Variants in FREM3 observed in about 807,000 individuals in gnomAD.
FREM3 encodes FRAS1 related extracellular matrix 3.
Under a neutral mutation model 129.1 loss-of-function variants are expected in FREM3, and 105 were observed. The observed-to-expected ratio is 0.81, with a 90% confidence interval of 0.69 to 0.96. The LOEUF (loss-of-function observed/expected upper bound fraction) is 0.96, where lower values mean the gene tolerates loss of function less well. Ranked by LOEUF, FREM3 falls within the 40% of genes least tolerant of loss-of-function variation. The pLI, the probability that FREM3 is intolerant of heterozygous loss-of-function variation, is 0.00. For synonymous variants in FREM3, 1,014 were observed against 1,044.9 expected, an observed-to-expected ratio of 0.97 and a Z score of 0.57; for missense variants, 2,593 against 2,666.3, an observed-to-expected ratio of 0.97 and a Z score of 0.61.
At chr4:143,681,767 G>T (rs1740255073) in intron 2 of FREM3, among the ~76,000 whole-genome samples, 1 of 152,150 alleles carries the variant, frequency 6.6e-6, no homozygotes, top group Admixed American at 6.5e-5. Context: ...TTGGGAAATT[G>T]ATATATGTTA....
At chr4:143,632,244 G>A (rs960245939) in intron 2 of FREM3, among the ~76,000 whole-genome samples, 20 of 152,042 alleles carry the variant, frequency 1.3e-4, no homozygotes, top group African/African-American at 4.8e-4. Flanking sequence ...CTTTCCAGTG[G>A]GCCAATAAGC....
rs1738225486 is a variant in FREM3, at chr4:143,585,541, T to A, written c.6178+303A>T. ...CTTGGCCATTATGGGGGTAATTTCA[T>A]CTGAAATATTGTTTATGAGCAGCTT... On this transcript the variant is annotated intron_variant, in intron 7 of 7. Transcript: ENST00000329798. This position sits in a 1 kb window ranked among gnomAD's most constrained non-coding sequence, Gnocchi z 4.2. Among the ~76,000 whole-genome samples the A allele has an allele frequency of 6.6e-6, 1 of 152,218 alleles. No individual in the cohort carries two copies. Among genetic ancestry groups the A allele is most frequent in the South Asian group, 2.1e-4 (1 of 4,830 alleles).
chr4:143,611,655 T>G (rs1738757244), intron 5 of FREM3, 128 bp from the exon 6 acceptor site: 2 of 786,940 alleles, frequency 2.5e-6, no homozygotes, highest in Non-Finnish European at 4.0e-6. Context: ...TTACCTCTTA[T>G]GCTCACAAAT....
At position 143,627,701 on chromosome 4, in the gene FREM3, T is replaced by C. The variant is rs1441833229; in HGVS notation, c.5335A>G (p.Lys1779Glu). 2.6e-6 allele frequency: 4 copies of C among 1,534,562 alleles called. No homozygotes were observed. Among genetic ancestry groups the C allele is most frequent in the Middle Eastern group, 1.7e-4 (1 of 5,980 alleles). The change falls in exon 3 of 8, where the codon AAA becomes GAA. Residue 1779 changes from lysine (K) to glutamate (E), a missense_variant. Transcript: ENST00000329798. ...TCTTCATCCACAATGTAGTACTCTT[T>C]CTCCAAACAAATCCAAGCCCAGTTT... is the stretch of plus-strand genomic sequence containing the variant. ...HLNWAWICLE[K>E]EYYIVDEDST...
chr4:143,587,314 A>G (rs975220196), intron 6 of FREM3, among the ~76,000 whole-genome samples: 1 of 152,006 alleles, frequency 6.6e-6, no homozygotes, highest in Non-Finnish European at 1.5e-5. Context: ...ATCATTCTTC[A>G]CTCTGTGCTT....
chr4:143,667,172 A>C (rs1449451094), intron 2 of FREM3, among the ~76,000 whole-genome samples: 1 of 152,100 alleles, frequency 6.6e-6, no homozygotes, highest in African/African-American at 2.4e-5. Flanking sequence ...ATTTTATTGG[A>C]GGAATACTGT....
intron 2 of FREM3, among the ~76,000 whole-genome samples, chr4:143,690,761 A>G (rs1162350079): frequency 6.6e-6 from 1 of 152,212 alleles, no homozygotes; most frequent in Non-Finnish European, 1.5e-5. Flanking sequence ...AGATAAAAAA[A>G]TGTTTAAAGT....
At chr4:143,673,406 G>A (rs1414184064) in intron 2 of FREM3, among the ~76,000 whole-genome samples, 1 of 152,198 alleles carries the variant, frequency 6.6e-6, no homozygotes, top group Non-Finnish European at 1.5e-5. Flanking sequence ...GCAGAGCAGC[G>A]AATATTGGTG....
rs113930140 is a variant in FREM3, at chr4:143,631,355, A to G, written c.5276-3595T>C. Among the ~76,000 whole-genome samples the G allele has an allele frequency of 3.3e-3, 498 of 149,436 alleles. 12 individuals carry two copies. In the South Asian group the frequency reaches 0.067, roughly 20 times the overall value. ...TATTTATTTATTTATTTATTTATTT[A>G]TTTGTTTATACAGAGTCTTGCTTTG... is the stretch of plus-strand genomic sequence containing the variant. On this transcript the variant is annotated intron_variant, in intron 2 of 7. Coordinates refer to ENST00000329798, the MANE Select transcript of FREM3 (RefSeq NM_001168235.2).
Position 143,697,899 on chromosome 4 carries a change from A to C in FREM3, c.2777T>G (p.Ile926Arg). The C allele has an allele frequency of 6.5e-7, 1 of 1,537,868 alleles. No homozygotes were observed. Among genetic ancestry groups the C allele is most frequent in the Non-Finnish European group, 8.7e-7 (1 of 1,147,044 alleles). The change falls in exon 1 of 8, where the codon ATA becomes AGA. Residue 926 changes from isoleucine to arginine, a missense_variant. Physicochemically the swap from Ile to Arg is moderately conservative, Grantham distance 97 (BLOSUM62 -3). Coordinates refer to ENST00000329798, the MANE Select transcript of FREM3 (RefSeq NM_001168235.2). ...CACAGAAATTGGGATGGTGATGGGT[A>C]TATGGTGCACCCCATCACTTACTTC... ...HLEVSDGVHH[I>R]PITIPISVHP...
intron 2 of FREM3, among the ~76,000 whole-genome samples, chr4:143,670,862 A>C (rs926230888): frequency 3.3e-5 from 5 of 152,120 alleles, no homozygotes; most frequent in Admixed American, 3.3e-4. Context: ...TATACATGGA[A>C]TCACATGATT....
intron 2 of FREM3, among the ~76,000 whole-genome samples, chr4:143,671,845 C>G (rs1204859554): frequency 6.6e-6 from 1 of 152,148 alleles, no homozygotes; most frequent in African/African-American, 2.4e-5. Context: ...AAAGTATGGG[C>G]AAGTCTACAT....
intron 2 of FREM3, among the ~76,000 whole-genome samples, chr4:143,677,007 A>G (rs1231185700): frequency 6.6e-6 from 1 of 152,226 alleles, no homozygotes; most frequent in Admixed American, 6.5e-5. Context: ...CCATCAAGCT[A>G]CCAATGACTT....
intron 2 of FREM3, among the ~76,000 whole-genome samples, chr4:143,641,649 T>A (rs1424640814): frequency 6.6e-6 from 1 of 152,198 alleles, no homozygotes; most frequent in Non-Finnish European, 1.5e-5. Context: ...CCAACACTTA[T>A]CAGGCTAAGA....
chr4:143,647,336 C>G (rs955618024), intron 2 of FREM3, among the ~76,000 whole-genome samples: 1 of 152,186 alleles, frequency 6.6e-6, no homozygotes, highest in African/African-American at 2.4e-5. Flanking sequence ...AAAGAAAAAT[C>G]TGTTTTCTGG....
In FREM3 at chr4:143,700,183, A is replaced by C. The variant is rs1026204958; in HGVS notation, c.493T>G (p.Ser165Ala). ...TTACGCGTCACCAGCTCCAGCTGGG[A>C]GAAGACCAAGTCCACCGCCAGCGTG... ...PFTLAVDLVF[S>A]QLELVTRNRP... is the part of the protein sequence containing the mutation. Residue 165 changes from serine to alanine, a missense_variant, in exon 1 of 8, where the codon TCC becomes GCC. By Grantham distance (99) the Ser-to-Ala change is moderately conservative (BLOSUM62 1). This residue lies in a region of FREM3 where 2,276 missense variants were observed against 2,267.2 expected (regional missense o/e 1.00). Transcript: ENST00000329798. 3 of 1,536,878 alleles carry C rather than the reference A, an allele frequency of 2.0e-6. No homozygotes were observed. In the African/African-American group the frequency reaches 4.1e-5, roughly 21 times the overall value.
chr4:143,662,128 C>T (rs199870727), intron 2 of FREM3, among the ~76,000 whole-genome samples: 3 of 152,006 alleles, frequency 2.0e-5, no homozygotes, highest in Admixed American at 1.3e-4. Context: ...TTGCCTTCTG[C>T]TAGCTTTTGA....
chr4:143,624,313 T>C lies in FREM3; in HGVS notation c.5448A>G (p.Ala1816=), dbSNP rs1351772019. ...FISIGTKDET[A]KKDKDFKWKT... Reference sequence around the variant, plus strand: ...TCCATTTGAAATCTTTGTCTTTTTTTGCAGTTTCATCTTTGGTACCAATGC... The same window carrying C: ...TCCATTTGAAATCTTTGTCTTTTTTCGCAGTTTCATCTTTGGTACCAATGC... The change falls in exon 4 of 8, where the codon GCA becomes GCG. Residue 1816 remains alanine (A), a synonymous_variant. Transcript: ENST00000329798. 2 of 1,536,800 alleles carry C rather than the reference T, an allele frequency of 1.3e-6. No homozygotes were observed. Among genetic ancestry groups the C allele is most frequent in the Non-Finnish European group, 1.7e-6 (2 of 1,146,582 alleles).
At position 143,627,609 on chromosome 4, in the gene FREM3, C is replaced by T; in HGVS notation, c.5422+5G>A. 1 of 1,535,144 alleles carries T rather than the reference C, an allele frequency of 6.5e-7. No individual in the cohort carries two copies. Among genetic ancestry groups the T allele is most frequent in the Non-Finnish European group, 8.7e-7 (1 of 1,145,218 alleles). On this transcript the variant is annotated splice_donor_5th_base_variant and intron_variant, in intron 3 of 7. Coordinates refer to ENST00000329798, the MANE Select transcript of FREM3 (RefSeq NM_001168235.2). ...TTTACCAACAACCAATCCAAAGTTACTTACTGATAAATGATGTTTCTCCAA... is the reference window on the plus strand; with the variant it reads ...TTTACCAACAACCAATCCAAAGTTATTTACTGATAAATGATGTTTCTCCAA...
Sources: gnomAD v4.1 joint callset for allele counts (sites outside exome capture counted in the v4.1 genomes callset) on GRCh38, gnomAD v4.1.1 for gene constraint, gnomAD v4.1.1 regional missense constraint, Gnocchi (gnomAD v3.1) non-coding constraint, MANE v1.5 for transcripts, NCBI Gene and HGNC (gene_info 2026-07-23, HGNC 2026-07-21) for gene names.